The following ARHGEF19 variants were observed in gnomAD, a reference collection of about 807,000 sequenced individuals.
The protein encoded by ARHGEF19 is Rho guanine nucleotide exchange factor 19, also known as Rho guanine nucleotide exchange factor (GEF) 19.
In ARHGEF19, 92 loss-of-function variants were observed where a neutral mutation model predicts 87.6. That is an observed-to-expected ratio of 1.05 (90% CI 0.89 to 1.25). ARHGEF19 has a LOEUF of 1.25. Ranked by LOEUF, ARHGEF19 falls within the 50% of genes most tolerant of loss-of-function variation. The probability of loss-of-function intolerance (pLI) is 0.00; values close to 1 mark genes in which losing one functional copy is unlikely to be tolerated. For synonymous variants in ARHGEF19, 438 were observed against 446.2 expected, an observed-to-expected ratio of 0.98 and a Z score of 0.23; for missense variants, 1,054 against 1,051.8, an observed-to-expected ratio of 1.00 and a Z score of -0.03.
chr1:16,198,657 C>T lies in ARHGEF19; in HGVS notation c.2339G>A (p.Arg780His), dbSNP rs981512778. The T allele has an allele frequency of 8.1e-6, 13 of 1,613,800 alleles. No homozygotes were observed. The highest frequency in any genetic ancestry group is 1.7e-5 in the Admixed American group (1 of 59,986). ...YVEEISSLSA[R>H]LRNLRENKRV... ...CTTATTCTCCCGGAGGTTTCGGAGG[C>T]GGGCGCTGAGGCTGCTGATCTCTTC... Residue 780 changes from arginine to histidine, a missense_variant, in exon 16 of 16, where the codon CGC becomes CAC. Transcript: ENST00000270747. The surrounding 1 kb of genome is among the most constrained non-coding windows in gnomAD (Gnocchi z 4.1).
intron 14 of ARHGEF19, among the ~76,000 whole-genome samples, chr1:16,200,378 C>T (rs377046119): frequency 1.5e-4 from 23 of 152,360 alleles, no homozygotes; most frequent in African/African-American, 4.3e-4. Context: ...CTATGGCAGG[C>T]GCTCAGTGGG....
rs2081114486 is a variant in ARHGEF19, at chr1:16,205,028, C to A, written c.1746+59G>T. ...ATTAACTGGCCTGAAGCCCCCAGGG[C>A]AAGGAAGAAACAAGAGCTGCCCCTT... On this transcript the variant is annotated intron_variant, in intron 11 of 15. Transcript: ENST00000270747. The surrounding 1 kb of genome is among the most constrained non-coding windows in gnomAD (Gnocchi z 5.8). 1 of 1,563,460 alleles carries A rather than the reference C, an allele frequency of 6.4e-7. No homozygotes were observed. Among genetic ancestry groups the A allele is most frequent in the African/African-American group, 1.4e-5 (1 of 73,662 alleles).
chr1:16,199,175 C>A lies in ARHGEF19; in HGVS notation c.2226G>T (p.Leu742=). ...DELTLEKTDI[L]SVRTWTSDGW... ...CGTCACTGGTCCAGGTCCTCACTGA[C>A]AGGATGTCAGTCTTCTCCAAGGTCA... Residue 742 remains leucine, a synonymous_variant, in exon 15 of 16, where the codon CTG becomes CTT. Coordinates refer to ENST00000270747, the MANE Select transcript of ARHGEF19 (RefSeq NM_153213.5). 6.2e-7 allele frequency: 1 copy of A among 1,614,056 alleles called. No individual in the cohort carries two copies. Among genetic ancestry groups the A allele is most frequent in the Non-Finnish European group, 8.5e-7 (1 of 1,179,954 alleles).
rs777439419 is a variant in ARHGEF19 at position 16,207,753 on chromosome 1, C to T, written c.719G>A (p.Arg240Gln). Residue 240 changes from arginine to glutamine, a missense_variant, in exon 4 of 16, where the codon CGA (arginine) becomes CAA (glutamine). By Grantham distance (43) the Arg-to-Gln change is conservative. Coordinates refer to ENST00000270747, the MANE Select transcript of ARHGEF19 (RefSeq NM_153213.5). This position sits in a 1 kb window ranked among gnomAD's most constrained non-coding sequence, Gnocchi z 4.0. ...REGKASGMEA[R>Q]SVEMSGDRVS... ...CCGGTCCCCGCTCATCTCTACACTTCGAGCCTCCATTCCAGATGCTTTCCC... is the reference window on the plus strand; with the variant it reads ...CCGGTCCCCGCTCATCTCTACACTTTGAGCCTCCATTCCAGATGCTTTCCC... 4.3e-6 allele frequency: 7 copies of T among 1,613,918 alleles called. No homozygotes were observed. Among genetic ancestry groups the T allele is most frequent in the Non-Finnish European group, 5.9e-6 (7 of 1,180,040 alleles).
intron 12 of ARHGEF19, among the ~76,000 whole-genome samples, chr1:16,203,188 AGGG>A (rs35778256): frequency 0.24 from 36,893 of 151,900 alleles, 4,806 homozygotes; most frequent in South Asian, 0.39. Flanking sequence ...GGATGGGTGG[AGGG>A]TGTTCCACAG....
intron 14 of ARHGEF19, 135 bp downstream of exon 14, chr1:16,201,647 G>T: frequency 2.3e-6 from 2 of 853,648 alleles, no homozygotes; most frequent in South Asian, 1.9e-5. Flanking sequence ...AGGTTCCTCA[G>T]AGCTACCCCT....
rs143539835 is a variant in ARHGEF19, at chr1:16,203,360, C to G, written c.1908-786G>C. On this transcript the variant is annotated intron_variant, in intron 12 of 15. Coordinates refer to ENST00000270747, the MANE Select transcript of ARHGEF19 (RefSeq NM_153213.5). ...GCTCACCTCTTCCCTTTCCATCCCC[C>G]CTACACCCATCTGGTAGCTATGTCC... Among the ~76,000 whole-genome samples the G allele has an allele frequency of 2.3e-3, 349 of 152,278 alleles. 5 individuals are homozygous for G. The Middle Eastern group carries it at 0.041, about 18-fold the overall frequency.
At chr1:16,208,551 G>A (rs968188388) in intron 2 of ARHGEF19, 92 bp downstream of exon 2, 50 of 1,432,812 alleles carry the variant, frequency 3.5e-5, no homozygotes, top group Non-Finnish European at 4.4e-5. Flanking sequence ...ACTTTTGGGG[G>A]AACCTTGGGA....
At position 16,199,279 on chromosome 1, in the gene ARHGEF19, G is replaced by T. The variant is rs747250939; in HGVS notation, c.2147-25C>A. ...TCTGACAGCCCAAGGGAGGCTCAGG[G>T]AGTCCCAAGGGCAGGATGGCAGGGG... is the stretch of plus-strand genomic sequence containing the variant. On this transcript the variant is annotated intron_variant, in intron 14 of 15. Coordinates refer to ENST00000270747, the MANE Select transcript of ARHGEF19 (RefSeq NM_153213.5). The T allele has an allele frequency of 6.8e-6, 11 of 1,610,344 alleles. No homozygotes were observed. In the African/African-American group the frequency reaches 1.2e-4, roughly 18 times the overall value.
chr1:16,212,063 A>G (rs2081202681), intron 1 of ARHGEF19, among the ~76,000 whole-genome samples: 1 of 152,154 alleles, frequency 6.6e-6, no homozygotes, highest in Non-Finnish European at 1.5e-5. Context: ...TCTAAGAAAC[A>G]TGTCTCATCA....
Position 16,208,793 on chromosome 1 carries a change from C to T in ARHGEF19, c.262G>A (p.Glu88Lys), listed in dbSNP as rs200637061. ...WPLSPGGSDT[E>K]ITSGGMRPSR... ...GGCCGCATCCCCCCGCTGGTGATCT[C>T]TGTATCTGAGCCTCCTGGGGATAAT... Residue 88 changes from glutamate to lysine, a missense_variant, in exon 2 of 16, where the codon GAG (glutamate) becomes AAG (lysine). Physicochemically the swap from Glu to Lys is moderately conservative, Grantham distance 56 (BLOSUM62 1). Coordinates refer to ENST00000270747, the MANE Select transcript of ARHGEF19 (RefSeq NM_153213.5). 195 of 1,613,542 alleles carry T rather than the reference C, an allele frequency of 1.2e-4. No individual in the cohort carries two copies. Among genetic ancestry groups the T allele is most frequent in the Non-Finnish European group, 1.6e-4 (184 of 1,179,848 alleles).
In ARHGEF19 at chr1:16,204,768, C is replaced by G; in HGVS notation, c.1898G>C (p.Arg633Pro). Residue 633 changes from arginine to proline, a missense_variant, in exon 12 of 16, where the codon CGG (arginine) becomes CCG (proline). Transcript: ENST00000270747. ...GACTGCCCCGACTCACTCCTTCCGC[C>G]GAGAGAGCAGCAAGCAGTCATTGAA... ...HLFNDCLLLSRRKELGKFAVF... is the reference protein window; with the variant it reads ...HLFNDCLLLSPRKELGKFAVF... 6.3e-7 allele frequency: 1 copy of G among 1,599,062 alleles called. No individual in the cohort carries two copies. The highest frequency in any genetic ancestry group is 8.5e-7 in the Non-Finnish European group (1 of 1,169,684).
chr1:16,204,805 A>G lies in ARHGEF19; in HGVS notation c.1861T>C (p.Tyr621His), dbSNP rs761329748. The change falls in exon 12 of 16, where the codon TAC becomes CAC. Residue 621 changes from tyrosine (Y) to histidine (H), a missense_variant. Physicochemically the swap from Tyr to His is moderately conservative, Grantham distance 83 (BLOSUM62 2). Transcript: ENST00000270747. ...AKLKLSSKAV[Y>H]LHLFNDCLLL... ...AAGCAGTCATTGAAGAGGTGGAGGT[A>G]GACTGCCTTGCTGGACAGCTTCAGC... is the stretch of plus-strand genomic sequence containing the variant. 6.2e-7 allele frequency: 1 copy of G among 1,613,190 alleles called. No individual in the cohort carries two copies. The highest frequency in any genetic ancestry group is 1.1e-5 in the South Asian group (1 of 90,830).
At position 16,206,486 on chromosome 1, in the gene ARHGEF19, G is replaced by A. The variant is rs1404693044; in HGVS notation, c.1138-146C>T. The A allele has an allele frequency of 9.6e-6, 8 of 833,148 alleles. No homozygotes were observed. The highest frequency in any genetic ancestry group is 1.1e-5 in the Non-Finnish European group (6 of 526,808). The allele number at this position is 833,148 out of a possible 1,614,324, so 51.6% of individuals were successfully genotyped here. On this transcript the variant is annotated intron_variant, in intron 6 of 15. Coordinates refer to ENST00000270747, the MANE Select transcript of ARHGEF19 (RefSeq NM_153213.5). This position sits in a 1 kb window ranked among gnomAD's most constrained non-coding sequence, Gnocchi z 4.6. ...TCCTAATCTGGCGCCGGGCGGGCCC[G>A]GCGACCCACGTCCCGCCGCGGGAAA...
chr1:16,205,559 G>T lies in ARHGEF19; in HGVS notation c.1560C>A (p.Thr520=). 1 of 1,614,006 alleles carries T rather than the reference G, an allele frequency of 6.2e-7. No homozygotes were observed. Among genetic ancestry groups the T allele is most frequent in the Non-Finnish European group, 8.5e-7 (1 of 1,179,954 alleles). Residue 520 remains threonine, a synonymous_variant, in exon 9 of 16, where the codon ACC becomes ACA. Coordinates refer to ENST00000270747, the MANE Select transcript of ARHGEF19 (RefSeq NM_153213.5). This position sits in a 1 kb window ranked among gnomAD's most constrained non-coding sequence, Gnocchi z 5.8. ...GTACCTCCACCAACATCTTGAGGCGGGTGATCCTCTGGAAGGGCAGGATAA... is the reference window on the plus strand; with the variant it reads ...GTACCTCCACCAACATCTTGAGGCGTGTGATCCTCTGGAAGGGCAGGATAA... ...SFLILPFQRI[T]RLKMLVENIL... is the part of the protein sequence containing the mutation.
chr1:16,207,049 A>G lies in ARHGEF19; in HGVS notation c.1036T>C (p.Ser346Pro). Residue 346 changes from serine (S) to proline (P), a missense_variant, in exon 6 of 16, where the codon TCG becomes CCG. Coordinates refer to ENST00000270747, the MANE Select transcript of ARHGEF19 (RefSeq NM_153213.5). The surrounding 1 kb of genome is among the most constrained non-coding windows in gnomAD (Gnocchi z 4.0). ...AGCGAGAAGGTGGAGCCTCGCGCCG[A>G]GCGCTGCGCCCGGAAGGAGCTGCTG... is the stretch of plus-strand genomic sequence containing the variant. Reference protein sequence around the residue: ...SPSSSFRAQRSARGSTFSLWQ... With the variant: ...SPSSSFRAQRPARGSTFSLWQ... The G allele has an allele frequency of 6.6e-7, 1 of 1,508,062 alleles. No individual in the cohort carries two copies. Among genetic ancestry groups the G allele is most frequent in the Non-Finnish European group, 8.8e-7 (1 of 1,131,210 alleles). The allele number at this position is 1,508,062 out of a possible 1,614,324, so 93.4% of individuals were successfully genotyped here. A position where few individuals can be genotyped will look rare whatever the true frequency, so the allele number is the denominator to read the frequency against.
At position 16,206,941 on chromosome 1, in the gene ARHGEF19, C is replaced by T; in HGVS notation, c.1137+7G>A. 1 of 1,458,624 alleles carries T rather than the reference C, an allele frequency of 6.9e-7. No homozygotes were observed. The highest frequency in any genetic ancestry group is 1.3e-5 in the South Asian group (1 of 74,248). The allele number at this position is 1,458,624 out of a possible 1,614,324, so 90.4% of individuals were successfully genotyped here. On this transcript the variant is annotated splice_region_variant and intron_variant, in intron 6 of 15. Transcript: ENST00000270747. This position sits in a 1 kb window ranked among gnomAD's most constrained non-coding sequence, Gnocchi z 4.6. ...CCCCGCCCCGCCGGGTCCCCGCGCG[C>T]GCCCACCTCCTGCAGCTTGCAGTCC...
chr1:16,203,226 G>T (rs1287033840), intron 12 of ARHGEF19, among the ~76,000 whole-genome samples: 3 of 151,588 alleles, frequency 2.0e-5, no homozygotes, highest in Non-Finnish European at 4.4e-5. Flanking sequence ...AACAAAACTC[G>T]GCATCAGAAA....
Position 16,208,768 on chromosome 1 carries a change from G to A in ARHGEF19, c.287C>T (p.Pro96Leu). The change falls in exon 2 of 16, where the codon CCC (proline) becomes CTC (leucine). Residue 96 changes from proline to leucine, a missense_variant. Physicochemically the swap from Pro to Leu is moderately conservative, Grantham distance 98. Coordinates refer to ENST00000270747, the MANE Select transcript of ARHGEF19 (RefSeq NM_153213.5). ...DTEITSGGMR[P>L]SRAGSWPHCP... ...GTGTGGCCAGCTGCCAGCCCTGCTG[G>A]GCCGCATCCCCCCGCTGGTGATCTC... The A allele has an allele frequency of 1.9e-6, 3 of 1,613,024 alleles. No individual in the cohort carries two copies. The highest frequency in any genetic ancestry group is 2.5e-6 in the Non-Finnish European group (3 of 1,179,662).
Sources: allele counts gnomAD v4.1 joint callset (sites outside exome capture counted in the v4.1 genomes callset), GRCh38; gene constraint gnomAD v4.1.1; non-coding constraint Gnocchi (gnomAD v3.1); transcripts MANE v1.5; gene names NCBI Gene and HGNC (gene_info 2026-07-23, HGNC 2026-07-21).